Variants in PSD3 observed in about 807,000 individuals in gnomAD.
PSD3 encodes the protein PH and SEC7 domain-containing protein 3.
A neutral mutation model predicts 105.5 loss-of-function variants in PSD3; 49 were observed. The ratio of observed to expected loss-of-function variants is 0.46; its 90% confidence interval spans 0.37 to 0.59. The LOEUF (loss-of-function observed/expected upper bound fraction) is 0.59, where lower values mean the gene tolerates loss of function less well. PSD3 is among the 20% of genes least tolerant of loss of function. PSD3 has a pLI of 0.00. For missense variants in PSD3, 1,561 were observed against 1,263.8 expected (o/e 1.24, Z -3.57); for synonymous variants, 557 against 457.8 (o/e 1.22, Z -2.77).
chr8:18,606,565 C>A (rs1411466255), intron 11 of PSD3, among the ~76,000 whole-genome samples: 1 of 152,084 alleles, frequency 6.6e-6, no homozygotes, highest in East Asian at 1.9e-4. Context: ...ATTTTTCTTT[C>A]CTTCTTTTTA....
intron 9 of PSD3, among the ~76,000 whole-genome samples, chr8:18,688,350 G>A (rs1217176628): frequency 2.0e-5 from 3 of 152,104 alleles, no homozygotes; most frequent in African/African-American, 7.2e-5. Context: ...TCCTGCCTCG[G>A]CCTCTCAAAG....
intron 9 of PSD3, among the ~76,000 whole-genome samples, chr8:18,697,692 T>C (rs931784035): frequency 6.6e-6 from 1 of 152,324 alleles, no homozygotes; most frequent in East Asian, 1.9e-4. Context: ...TGTGATTGCG[T>C]GAATTACCTC....
chr8:18,936,089 G>A lies in PSD3; in HGVS notation c.75C>T (p.Ala25=). ...CAAATAAAAATTCATATTTGGCCTTGGCAACACTCTGGGAATGTGCAGATG... is the reference window on the plus strand; with the variant it reads ...CAAATAAAAATTCATATTTGGCCTTAGCAACACTCTGGGAATGTGCAGATG... ...NNASAHSQSV[A]KAKYEFLFGR... The change falls in exon 2 of 16, where the codon GCC becomes GCT. Residue 25 remains alanine (A), a synonymous_variant. Transcript: ENST00000327040. The A allele has an allele frequency of 6.2e-7, 1 of 1,613,232 alleles. No homozygotes were observed. Among genetic ancestry groups the A allele is most frequent in the South Asian group, 1.1e-5 (1 of 91,046 alleles).
rs1301105487 is a variant in PSD3, at chr8:18,758,764, A to G, written c.2172+6685T>C. The stretch of plus-strand genomic sequence containing the variant: ...TTTTCACAAATTATTTTTCCTTAAG[A>G]AAACCAAATGAGAAAATTATGTTTA... On this transcript the variant is annotated intron_variant, in intron 9 of 15. Transcript: ENST00000327040. Among the ~76,000 whole-genome samples the G allele has an allele frequency of 2.6e-5, 4 of 152,154 alleles. No homozygotes were observed. The East Asian group carries it at 7.7e-4, about 29-fold the overall frequency.
At chr8:19,071,598 C>T (rs990460781) in intron 1 of PSD3, among the ~76,000 whole-genome samples, 1 of 152,156 alleles carries the variant, frequency 6.6e-6, no homozygotes, top group Non-Finnish European at 1.5e-5. Flanking sequence ...CTGATGAACC[C>T]GGGGAGCTGC....
At chr8:18,921,825 A>T (rs1821042231) in intron 2 of PSD3, among the ~76,000 whole-genome samples, 1 of 152,196 alleles carries the variant, frequency 6.6e-6, no homozygotes, top group South Asian at 2.1e-4. Flanking sequence ...AAGGTATGAG[A>T]ACACAGGAGG....
At chr8:18,717,845 C>A (rs776488145) in intron 9 of PSD3, among the ~76,000 whole-genome samples, 6 of 152,180 alleles carry the variant, frequency 3.9e-5, no homozygotes, top group Non-Finnish European at 8.8e-5. Context: ...CTTTTGCCTG[C>A]TCTAGCTCCC....
At chr8:18,931,643 CTCTTT>C (rs1320252394) in intron 2 of PSD3, among the ~76,000 whole-genome samples, 2 of 152,150 alleles carry the variant, frequency 1.3e-5, no homozygotes, top group Non-Finnish European at 2.9e-5. Context: ...TGCCACCCGA[CTCTTT>C]TCTTTTAATG....
chr8:18,717,445 G>A (rs1437493175), intron 9 of PSD3, among the ~76,000 whole-genome samples: 1 of 152,050 alleles, frequency 6.6e-6, no homozygotes, highest in African/African-American at 2.4e-5. Context: ...CATTATAAAT[G>A]TGGTCTGAAT....
At chr8:18,732,282 T>C (rs991243325) in intron 9 of PSD3, among the ~76,000 whole-genome samples, 10 of 152,214 alleles carry the variant, frequency 6.6e-5, no homozygotes, top group African/African-American at 7.2e-5. Context: ...TACGGAGTCA[T>C]AGAACTATCT....
chr8:18,981,317 T>A (rs1046947389), intron 1 of PSD3, among the ~76,000 whole-genome samples: 1 of 152,022 alleles, frequency 6.6e-6, no homozygotes, highest in African/African-American at 2.4e-5. Context: ...ACAAAAAAAG[T>A]CCACTCATTA....
intron 1 of PSD3, among the ~76,000 whole-genome samples, chr8:18,949,245 ATAT>A (rs1337733355): frequency 0.016 from 550 of 35,100 alleles, 20 homozygotes; most frequent in African/African-American, 0.05. Flanking sequence ...AAAAAAAAAA[ATAT>A]ATATATATAT....
At chr8:19,007,118 T>C (rs1563504495) in intron 1 of PSD3, among the ~76,000 whole-genome samples, 1 of 151,886 alleles carries the variant, frequency 6.6e-6, no homozygotes, top group Admixed American at 6.6e-5. Flanking sequence ...CCAGGCATGA[T>C]TGGTGCACAC....
At chr8:18,638,335 A>C (rs909687276) in intron 10 of PSD3, among the ~76,000 whole-genome samples, 1 of 152,070 alleles carries the variant, frequency 6.6e-6, no homozygotes, top group African/African-American at 2.4e-5. Flanking sequence ...CAAGAAAAAA[A>C]AAAAAGGAAG....
chr8:18,658,524 C>CT (rs35569508), intron 9 of PSD3, among the ~76,000 whole-genome samples: 28,497 of 138,020 alleles, frequency 0.21, 3,188 homozygotes, highest in South Asian at 0.38. Context: ...CTATATAATT[C>CT]TTTTTTTTTT....
chr8:18,686,931 T>C (rs1800692218), intron 9 of PSD3, among the ~76,000 whole-genome samples: 1 of 152,188 alleles, frequency 6.6e-6, no homozygotes, highest in African/African-American at 2.4e-5. Context: ...AAGGACCTTC[T>C]GTGACCATCC....
At chr8:18,677,359 C>A (rs1272725246) in intron 9 of PSD3, among the ~76,000 whole-genome samples, 1 of 152,080 alleles carries the variant, frequency 6.6e-6, no homozygotes, top group African/African-American at 2.4e-5. Context: ...GTTCAGATCA[C>A]ACGAGGCCAG....
chr8:18,621,530 C>T (rs1050834813), intron 11 of PSD3, among the ~76,000 whole-genome samples: 4 of 152,174 alleles, frequency 2.6e-5, no homozygotes, highest in African/African-American at 9.7e-5. Flanking sequence ...AAACCTAGAA[C>T]TTAATCTTTT....
At chr8:18,615,240 C>T (rs1461330060) in intron 11 of PSD3, among the ~76,000 whole-genome samples, 1 of 152,162 alleles carries the variant, frequency 6.6e-6, no homozygotes, top group Non-Finnish European at 1.5e-5. Context: ...ACCTGCTCCA[C>T]CCTAACTCAT....
Sources: gnomAD v4.1 joint callset for allele counts (sites outside exome capture counted in the v4.1 genomes callset) on GRCh38, gnomAD v4.1.1 for gene constraint, MANE v1.5 for transcripts, NCBI Gene and HGNC (gene_info 2026-07-23, HGNC 2026-07-21) for gene names.